STXBP5L: variants seen among roughly 807,000 people sequenced by gnomAD.
STXBP5L encodes the protein syntaxin binding protein 5L.
A neutral mutation model predicts 144.5 loss-of-function variants in STXBP5L; 65 were observed. The observed-to-expected ratio is 0.45, with a 90% CI of 0.37 to 0.55. The LOEUF is 0.55. STXBP5L is among the 20% of genes least tolerant of loss of function. The pLI is 0.00. For synonymous variants in STXBP5L, 505 were observed against 469.6 expected (o/e 1.08, Z -0.97); for missense variants, 1,298 against 1,405.5 (o/e 0.92, Z 1.22).
intron 7 of STXBP5L, among the ~76,000 whole-genome samples, chr3:121,131,987 G>T (rs1211184916): frequency 6.6e-6 from 1 of 152,144 alleles, no homozygotes; most frequent in Non-Finnish European, 1.5e-5. Context: ...TGGTCAAGGA[G>T]AGATTTCCTA....
At chr3:121,063,555 G>A (rs1399585428) in intron 5 of STXBP5L, among the ~76,000 whole-genome samples, 2 of 152,190 alleles carry the variant, frequency 1.3e-5, no homozygotes, top group African/African-American at 4.8e-5. Flanking sequence ...AGAACTAGCA[G>A]CCAGGAATGT....
chr3:120,974,731 G>A (rs1334315695), intron 3 of STXBP5L, among the ~76,000 whole-genome samples: 2 of 152,142 alleles, frequency 1.3e-5, no homozygotes, highest in African/African-American at 2.4e-5. Flanking sequence ...AAGGTGTAAG[G>A]AAGAGATCCA....
intron 3 of STXBP5L, among the ~76,000 whole-genome samples, chr3:120,980,822 G>T (rs1427160185): frequency 1.3e-5 from 2 of 152,078 alleles, no homozygotes; most frequent in Non-Finnish European, 2.9e-5. Flanking sequence ...TTATATTCCT[G>T]TGTTTTTATG....
intron 5 of STXBP5L, among the ~76,000 whole-genome samples, chr3:121,111,347 A>G (rs1469729256): frequency 6.6e-6 from 1 of 152,016 alleles, no homozygotes; most frequent in Admixed American, 6.5e-5. Flanking sequence ...GTGTTTTTTC[A>G]TTGATTCTTT....
At chr3:121,013,869 C>A (rs1453976199) in intron 3 of STXBP5L, among the ~76,000 whole-genome samples, 1 of 152,000 alleles carries the variant, frequency 6.6e-6, no homozygotes, top group Non-Finnish European at 1.5e-5. Context: ...AGTCAGTTTT[C>A]CCAGCATCAT....
At chr3:121,225,356 G>A (rs2049089773) in intron 11 of STXBP5L, among the ~76,000 whole-genome samples, 1 of 152,124 alleles carries the variant, frequency 6.6e-6, no homozygotes, top group South Asian at 2.1e-4. Flanking sequence ...AGCACTGTTA[G>A]TGAGGCCAAC....
intron 5 of STXBP5L, among the ~76,000 whole-genome samples, chr3:121,059,892 A>G (rs1560074594): frequency 6.6e-6 from 1 of 152,186 alleles, no homozygotes; most frequent in East Asian, 1.9e-4. Context: ...GGGGTTTTCT[A>G]AATATATAAT....
intron 10 of STXBP5L, among the ~76,000 whole-genome samples, chr3:121,219,307 C>T (rs562932881): frequency 6.2e-4 from 95 of 152,200 alleles, no homozygotes; most frequent in Middle Eastern, 3.4e-3. Flanking sequence ...AACTATTACA[C>T]GGCAGAAACT....
chr3:121,339,076 C>T (rs2044613766), intron 20 of STXBP5L, among the ~76,000 whole-genome samples: 1 of 152,014 alleles, frequency 6.6e-6, no homozygotes, highest in Non-Finnish European at 1.5e-5. Flanking sequence ...ATACCAAAGC[C>T]AGGAAAGGGC....
chr3:121,200,704 A>C (rs1191065746), intron 9 of STXBP5L, among the ~76,000 whole-genome samples: 1 of 152,096 alleles, frequency 6.6e-6, no homozygotes, highest in Non-Finnish European at 1.5e-5. Context: ...CATTGGTTTC[A>C]AATAGCTTAT....
chr3:121,103,539 G>A (rs1331506803), intron 5 of STXBP5L, among the ~76,000 whole-genome samples: 1 of 151,994 alleles, frequency 6.6e-6, no homozygotes, highest in South Asian at 2.1e-4. Flanking sequence ...ACTACTAGGG[G>A]GCAAGAGTTA....
rs774641259 is a variant in STXBP5L at position 121,418,489 on chromosome 3, G to A, written c.3379G>A (p.Gly1127Arg). 9.9e-6 allele frequency: 16 copies of A among 1,613,962 alleles called. No individual in the cohort carries two copies. Among genetic ancestry groups the A allele is most frequent in the Non-Finnish European group, 1.4e-5 (16 of 1,179,992 alleles). Residue 1127 changes from glycine to arginine, a missense_variant, in exon 26 of 27, where the codon GGA becomes AGA. Physicochemically the swap from Gly to Arg is moderately radical, Grantham distance 125. Coordinates refer to ENST00000471454, the MANE Select transcript of STXBP5L (RefSeq NM_001308330.2). Reference sequence around the variant, plus strand: ...ACTTGATGAAAGAGGACAGAGGCTAGGAGAGCTGGAAGAGAAAACTGCAGG... The same window carrying A: ...ACTTGATGAAAGAGGACAGAGGCTAAGAGAGCTGGAAGAGAAAACTGCAGG... ...IALDERGQRL[G>R]ELEEKTAGMM...
chr3:121,047,199 C>A (rs747247428), intron 5 of STXBP5L, among the ~76,000 whole-genome samples: 1 of 151,914 alleles, frequency 6.6e-6, no homozygotes. Flanking sequence ...ATTTTTATTG[C>A]ATTATGGCCT....
chr3:121,048,080 G>T (rs193242466), intron 5 of STXBP5L, among the ~76,000 whole-genome samples: 2 of 152,130 alleles, frequency 1.3e-5, no homozygotes, highest in Non-Finnish European at 2.9e-5. Context: ...TATCGGGAAA[G>T]AATCTAATTT....
intron 5 of STXBP5L, among the ~76,000 whole-genome samples, chr3:121,066,146 G>A (rs1159127036): frequency 5.3e-5 from 8 of 152,060 alleles, no homozygotes; most frequent in Admixed American, 4.6e-4. Flanking sequence ...CTATGAGGTG[G>A]GACTCATGGA....
intron 3 of STXBP5L, among the ~76,000 whole-genome samples, chr3:120,992,899 A>G (rs1209493799): frequency 6.6e-6 from 1 of 152,094 alleles, no homozygotes; most frequent in East Asian, 1.9e-4. Flanking sequence ...TAATGCCTAT[A>G]CTAATTTACA....
At chr3:120,941,772 G>A (rs1403364931) in intron 2 of STXBP5L, among the ~76,000 whole-genome samples, 1 of 151,806 alleles carries the variant, frequency 6.6e-6, no homozygotes, top group East Asian at 1.9e-4. Context: ...GGGGCAAATG[G>A]AAGGCATGAT....
chr3:120,914,875 T>A (rs1709028359), intron 2 of STXBP5L, among the ~76,000 whole-genome samples: 1 of 152,126 alleles, frequency 6.6e-6, no homozygotes, highest in South Asian at 2.1e-4. Flanking sequence ...AAGATTTTTT[T>A]TTCTTTTAAG....
chr3:121,054,250 C>G (rs1020725640), intron 5 of STXBP5L, among the ~76,000 whole-genome samples: 9 of 152,020 alleles, frequency 5.9e-5, no homozygotes, highest in African/African-American at 1.9e-4. Flanking sequence ...GGTATATACC[C>G]AAAGGATTAT....
Sources: allele counts gnomAD v4.1 joint callset (sites outside exome capture counted in the v4.1 genomes callset), GRCh38; gene constraint gnomAD v4.1.1; transcripts MANE v1.5; gene names NCBI Gene and HGNC (gene_info 2026-07-23, HGNC 2026-07-21).